Variants in TENM2 observed in about 807,000 individuals in gnomAD.
TENM2 encodes teneurin-2.
A neutral mutation model predicts 245.2 loss-of-function variants in TENM2; 52 were observed. The observed-to-expected ratio is 0.21, with a 90% CI of 0.17 to 0.27. The LOEUF is 0.27. TENM2 is among the 10% of genes least tolerant of loss of function. The pLI is 1.00. For missense variants in TENM2, 3,046 were observed against 3,666.8 expected (o/e 0.83, Z 4.37); for synonymous variants, 1,363 against 1,438.9 (o/e 0.95, Z 1.19).
chr5:168,188,655 C>T (rs999617169), intron 13 of TENM2, among the ~76,000 whole-genome samples: 2 of 152,070 alleles, frequency 1.3e-5, no homozygotes, highest in Admixed American at 6.5e-5. Flanking sequence ...GATAGGGAGG[C>T]GAGCATTAAG....
intron 2 of TENM2, among the ~76,000 whole-genome samples, chr5:167,584,798 C>T (rs1001464322): frequency 6.6e-6 from 1 of 151,754 alleles, no homozygotes; most frequent in African/African-American, 2.4e-5. Flanking sequence ...GGGTTCACGC[C>T]ATTCTCCTGT....
exon 2 of TENM2, chr5:167,375,244 A>G: frequency 6.4e-7 from 1 of 1,551,644 alleles, no homozygotes; most frequent in Admixed American, 2.0e-5. Flanking sequence ...AGCCCTCCCC[A>G]CACCGAAGCG....
intron 23 of TENM2, among the ~76,000 whole-genome samples, chr5:168,225,498 C>G (rs1183078378): frequency 1.3e-5 from 2 of 152,314 alleles, no homozygotes; most frequent in East Asian, 3.9e-4. Context: ...GCGTGGCTCA[C>G]GCCTGTAATT....
At chr5:167,425,823 A>C (rs1004309881) in intron 2 of TENM2, among the ~76,000 whole-genome samples, 1 of 152,162 alleles carries the variant, frequency 6.6e-6, no homozygotes, top group African/African-American at 2.4e-5. Context: ...GTGAAAATTG[A>C]GATGATCCCT....
At chr5:168,077,980 C>G (rs1174239095) in intron 7 of TENM2, among the ~76,000 whole-genome samples, 2 of 152,188 alleles carry the variant, frequency 1.3e-5, no homozygotes, top group Non-Finnish European at 2.9e-5. Context: ...ATTTCTAGTT[C>G]TAGATCCTTG....
intron 2 of TENM2, among the ~76,000 whole-genome samples, chr5:167,556,292 A>G (rs1773253515): frequency 6.6e-6 from 1 of 152,160 alleles, no homozygotes; most frequent in Non-Finnish European, 1.5e-5. Flanking sequence ...TGTGTTCAAC[A>G]ATGACAAACT....
chr5:168,250,152 ATGGATGGATGGATGGATGG>A (rs1766984094), intron 27 of TENM2, among the ~76,000 whole-genome samples: 1 of 131,470 alleles, frequency 7.6e-6, no homozygotes, highest in Non-Finnish European at 1.7e-5. Flanking sequence ...GGATGGATGG[ATGGATGGATGGATGGATGG>A]GTAAATAGAT....
At chr5:167,271,381 C>T in the TENM2 span, among the ~76,000 whole-genome samples, 2 of 151,870 alleles carry the variant, frequency 1.3e-5, no homozygotes, top group African/African-American at 2.4e-5. Flanking sequence ...CTCCACATTT[C>T]GTATTGAAAT....
rs181324413 is a variant in TENM2, at chr5:167,736,136, C to T, written c.503-139850C>T. On this transcript the variant is annotated intron_variant, in intron 2 of 28. Transcript: ENST00000518659. ...ATCATGGTGGAAGGAGAAGCAAACA[C>T]GTCCTTCCTTCACATGGCAGCAGCG... Among the ~76,000 whole-genome samples, 307 of 152,192 alleles carry T rather than the reference C, an allele frequency of 2.0e-3. 2 individuals carry two copies. The highest frequency in any genetic ancestry group is 7.2e-3 in the African/African-American group (298 of 41,532).
In TENM2 at chr5:168,100,188, G is replaced by A. The variant is rs369198889; in HGVS notation, c.1813+2061G>A. Among the ~76,000 whole-genome samples, 11 of 152,248 alleles carry A rather than the reference G, an allele frequency of 7.2e-5. No individual in the cohort carries two copies. In the East Asian group the frequency reaches 1.2e-3, roughly 16 times the overall value. Reference sequence around the variant, plus strand: ...CATCTGCAAACCACAATGAGATACCGTCTCATGCCAGTTAGAATGGTGATC... The same window carrying A: ...CATCTGCAAACCACAATGAGATACCATCTCATGCCAGTTAGAATGGTGATC... On this transcript the variant is annotated intron_variant, in intron 9 of 28. Transcript: ENST00000518659.
the TENM2 span, among the ~76,000 whole-genome samples, chr5:167,179,365 T>A: frequency 6.6e-6 from 1 of 152,364 alleles, no homozygotes; most frequent in East Asian, 1.9e-4. Context: ...AAGACAGATT[T>A]ATTTTTATGT....
At position 167,321,298 on chromosome 5, in the gene TENM2, C is replaced by T. The variant is rs193134997; in HGVS notation, c.226+36235C>T. 7.0e-4 allele frequency among the ~76,000 whole-genome samples: 106 copies of T among 152,138 alleles called. No individual in the cohort carries two copies. The Middle Eastern group carries it at 0.014, about 20-fold the overall frequency. Reference sequence around the variant, plus strand: ...AAGAAAAATATAGGGCATTTTGGGGCTGTTCAGGCCAGGATAAAAAAGGAA... The same window carrying T: ...AAGAAAAATATAGGGCATTTTGGGGTTGTTCAGGCCAGGATAAAAAAGGAA... On this transcript the variant is annotated intron_variant, in intron 1 of 28. Transcript: ENST00000518659.
At chr5:167,651,643 G>C (rs889712330) in intron 2 of TENM2, among the ~76,000 whole-genome samples, 3 of 152,120 alleles carry the variant, frequency 2.0e-5, no homozygotes, top group Non-Finnish European at 4.4e-5. Flanking sequence ...TATCAGCATA[G>C]AAAGAGGCTA....
At chr5:167,016,992 C>A in the TENM2 span, among the ~76,000 whole-genome samples, 1 of 152,164 alleles carries the variant, frequency 6.6e-6, no homozygotes, top group South Asian at 2.1e-4. Context: ...CTGAGCCAAT[C>A]CCTAGCAAGA....
the TENM2 span, among the ~76,000 whole-genome samples, chr5:167,138,202 T>C: frequency 6.6e-6 from 1 of 152,192 alleles, no homozygotes; most frequent in Admixed American, 6.5e-5. Flanking sequence ...ATCAAACAAG[T>C]GTTTACCGAT....
chr5:167,235,532 CAT>C, the TENM2 span, among the ~76,000 whole-genome samples: 669 of 152,230 alleles, frequency 4.4e-3, 3 homozygotes, highest in African/African-American at 0.016. Context: ...TAAATTATCA[CAT>C]CTTTTCACAC....
At chr5:167,324,243 C>T (rs1020788463) in intron 1 of TENM2, among the ~76,000 whole-genome samples, 3 of 152,166 alleles carry the variant, frequency 2.0e-5, no homozygotes, top group Non-Finnish European at 4.4e-5. Flanking sequence ...CTCAGTTACA[C>T]AAGTCATTTT....
At chr5:167,259,934 G>A in the TENM2 span, among the ~76,000 whole-genome samples, 2 of 152,090 alleles carry the variant, frequency 1.3e-5, no homozygotes, top group East Asian at 3.9e-4. Context: ...ATTTGCATGG[G>A]TTGCATTCTT....
At chr5:167,389,229 T>G (rs1488650560) in intron 2 of TENM2, among the ~76,000 whole-genome samples, 1 of 146,284 alleles carries the variant, frequency 6.8e-6, no homozygotes, top group East Asian at 2.0e-4. Context: ...CATATGTGCG[T>G]ATATATATAG....
Sources: gnomAD v4.1 joint callset for allele counts (sites outside exome capture counted in the v4.1 genomes callset) on GRCh38, gnomAD v4.1.1 for gene constraint, MANE v1.5 for transcripts, NCBI Gene and HGNC (gene_info 2026-07-23, HGNC 2026-07-21) for gene names.